The following ATRN variants were observed in gnomAD, a reference collection of about 807,000 sequenced individuals.
ATRN encodes attractin-2.
A neutral mutation model predicts 178.7 loss-of-function variants in ATRN; 54 were observed. The observed-to-expected ratio is 0.30, with a 90% CI of 0.24 to 0.38. ATRN has a LOEUF of 0.38. Among genes scored for constraint, ATRN ranks in the 10% least tolerant of loss-of-function variants. ATRN has a pLI of 1.00. For missense variants in ATRN, 1,443 were observed against 1,815.1 expected, an observed-to-expected ratio of 0.79 and a Z score of 3.73; for synonymous variants, 636 against 663.0, an observed-to-expected ratio of 0.96 and a Z score of 0.63.
At chr20:3,508,937 G>C (rs1384163700) in intron 1 of ATRN, among the ~76,000 whole-genome samples, 1 of 151,640 alleles carries the variant, frequency 6.6e-6, no homozygotes, top group Non-Finnish European at 1.5e-5. Flanking sequence ...TAATTTCTAG[G>C]GTAATCACTA....
At position 3,471,338 on chromosome 20, in the gene ATRN, G is replaced by T. The variant is rs1420295252; in HGVS notation, c.231G>T (p.Leu77=). 6.7e-7 allele frequency: 1 copy of T among 1,485,408 alleles called. No individual in the cohort carries two copies. The highest frequency in any genetic ancestry group is 8.9e-7 in the Non-Finnish European group (1 of 1,127,270). 92.0% of individuals were successfully genotyped at this position (1,485,408 alleles called of 1,614,324 possible). Residue 77 remains leucine (L), a synonymous_variant, in exon 1 of 29, where the codon CTG becomes CTT. Transcript: ENST00000262919. ...CGCCGCCGCTGCTGCTGCTGCTGCT[G>T]CCCTGTGAGGCCGAGGCCGCGGCGG... The part of the protein sequence containing the change: ...LLSPPLLLLL[L]PCEAEAAAAA...
At chr20:3,488,821 A>G (rs1306676578) in intron 1 of ATRN, among the ~76,000 whole-genome samples, 1 of 152,162 alleles carries the variant, frequency 6.6e-6, no homozygotes, top group Non-Finnish European at 1.5e-5. Context: ...CAGCTTTTAT[A>G]ATGTTGAGTC....
chr20:3,490,555 G>A, intron 1 of ATRN: 1 of 1,106,498 alleles, frequency 9.0e-7, no homozygotes, highest in Non-Finnish European at 1.4e-6. Flanking sequence ...CAGCTTCTCA[G>A]ATGCCTTCAC....
intron 3 of ATRN, among the ~76,000 whole-genome samples, chr20:3,544,496 T>TGTG (rs891845516): frequency 7.0e-4 from 106 of 151,656 alleles, no homozygotes; most frequent in South Asian, 2.1e-3. Context: ...TTTTACCAAA[T>TGTG]GTGGTGGTGG....
At chr20:3,544,160 G>A (rs2085664168) in intron 3 of ATRN, among the ~76,000 whole-genome samples, 1 of 152,138 alleles carries the variant, frequency 6.6e-6, no homozygotes, top group Non-Finnish European at 1.5e-5. Flanking sequence ...ATAGGTATGT[G>A]TAAGTGTACA....
At chr20:3,610,112 TTTATG>T (rs1481191522) in intron 24 of ATRN, among the ~76,000 whole-genome samples, 2 of 152,332 alleles carry the variant, frequency 1.3e-5, no homozygotes, top group East Asian at 3.9e-4. Context: ...TTAAAGTGAT[TTTATG>T]TTATATCTTA....
At chr20:3,569,052 T>G (rs2086078850) in intron 11 of ATRN, among the ~76,000 whole-genome samples, 1 of 152,236 alleles carries the variant, frequency 6.6e-6, no homozygotes, top group African/African-American at 2.4e-5. Flanking sequence ...TCAAATTTTT[T>G]GCCATTCTTT....
chr20:3,503,444 T>C (rs1187578831), intron 1 of ATRN, among the ~76,000 whole-genome samples: 2 of 152,022 alleles, frequency 1.3e-5, no homozygotes, highest in African/African-American at 4.8e-5. Flanking sequence ...AAAGCATCCA[T>C]CATAAAAATG....
At chr20:3,545,364 CAA>C (rs1332216289) in intron 3 of ATRN, among the ~76,000 whole-genome samples, 9 of 86,300 alleles carry the variant, frequency 1.0e-4, no homozygotes, top group Non-Finnish European at 1.3e-4. Context: ...AACTCTGTCT[CAA>C]AAAAAAAAAA....
intron 19 of ATRN, among the ~76,000 whole-genome samples, chr20:3,592,885 T>C (rs573033384): frequency 5.9e-5 from 9 of 152,324 alleles, no homozygotes; most frequent in Middle Eastern, 3.4e-3. Context: ...TCTCCACTAC[T>C]CCTAAGTAAA....
intron 22 of ATRN, 71 bp downstream of exon 22, chr20:3,598,071 G>T (rs2086556412): frequency 3.0e-6 from 3 of 1,002,816 alleles, no homozygotes; most frequent in East Asian, 4.8e-5. Context: ...ATTACGGATG[G>T]ACGTACTGCC....
chr20:3,507,173 G>A (rs1243910481), intron 1 of ATRN, among the ~76,000 whole-genome samples: 2 of 151,744 alleles, frequency 1.3e-5, no homozygotes, highest in Non-Finnish European at 2.9e-5. Flanking sequence ...TTGGGAGGCC[G>A]AGGTGGGTGG....
chr20:3,615,445 T>G (rs959733976), intron 24 of ATRN, among the ~76,000 whole-genome samples: 1 of 150,030 alleles, frequency 6.7e-6, no homozygotes, highest in Non-Finnish European at 1.5e-5. Flanking sequence ...AAAAAAAAAA[T>G]TTTTCTTTAT....
chr20:3,561,092 G>A (rs928564195), intron 8 of ATRN, among the ~76,000 whole-genome samples, 187 bp downstream of exon 8: 1 of 152,050 alleles, frequency 6.6e-6, no homozygotes, highest in Admixed American at 6.6e-5. Flanking sequence ...AGGCTGAGGC[G>A]GGCGGATCAC....
intron 1 of ATRN, among the ~76,000 whole-genome samples, chr20:3,473,622 C>T (rs2084465736): frequency 6.6e-6 from 1 of 152,132 alleles, no homozygotes; most frequent in African/African-American, 2.4e-5. Flanking sequence ...AAGGTGAGGC[C>T]AGGGCATTTT....
chr20:3,562,507 A>T (rs934471726), intron 9 of ATRN, 48 bp downstream of exon 9: 55 of 1,579,366 alleles, frequency 3.5e-5, no homozygotes, highest in Admixed American at 1.0e-4. Context: ...AATTCTGTAG[A>T]GGCAATTGTG....
At chr20:3,615,829 T>C (rs955892163) in intron 24 of ATRN, 2 of 454,410 alleles carry the variant, frequency 4.4e-6, no homozygotes, top group African/African-American at 4.0e-5. Flanking sequence ...CATTCATAGG[T>C]GCAAACTGAA....
At position 3,563,307 on chromosome 20, in the gene ATRN, C is replaced by T; in HGVS notation, c.1730C>T (p.Thr577Ile). 1 of 1,614,136 alleles carries T rather than the reference C, an allele frequency of 6.2e-7. No individual in the cohort carries two copies. Among genetic ancestry groups the T allele is most frequent in the Non-Finnish European group, 8.5e-7 (1 of 1,180,008 alleles). ...TTTGGAGGAAACACACACAATGACA[C>T]ATCTATGAGCCATGGCGCCAAATGC... Reference protein sequence around the residue: ...LVFGGNTHNDTSMSHGAKCFS... With the variant: ...LVFGGNTHNDISMSHGAKCFS... The change falls in exon 10 of 29, where the codon ACA (threonine) becomes ATA (isoleucine). Residue 577 changes from threonine (T) to isoleucine (I), a missense_variant. Thr to Ile is a moderately conservative substitution (Grantham distance 89). This residue lies in a region of ATRN where 862 missense variants were observed against 972.1 expected (regional missense o/e 0.89). Coordinates refer to ENST00000262919, the MANE Select transcript of ATRN (RefSeq NM_139321.3).
At chr20:3,487,202 C>T (rs1005817379) in intron 1 of ATRN, among the ~76,000 whole-genome samples, 1 of 151,968 alleles carries the variant, frequency 6.6e-6, no homozygotes, top group Non-Finnish European at 1.5e-5. Context: ...TTTTTTGATA[C>T]TTTTGATCCT....
Sources: gnomAD v4.1 joint callset for allele counts (sites outside exome capture counted in the v4.1 genomes callset) on GRCh38, gnomAD v4.1.1 for gene constraint, gnomAD v4.1.1 regional missense constraint, MANE v1.5 for transcripts, NCBI Gene and HGNC (gene_info 2026-07-23, HGNC 2026-07-21) for gene names.